Variants in FREM2 observed in about 807,000 individuals in gnomAD.
FREM2 encodes FRAS1-related extracellular matrix protein 2.
A neutral mutation model predicts 219.9 loss-of-function variants in FREM2; 119 were observed. The observed-to-expected ratio is 0.54, with a 90% CI of 0.47 to 0.63. The LOEUF is 0.63. Among genes scored for constraint, FREM2 ranks in the 30% least tolerant of loss-of-function variants. The pLI, the probability that FREM2 is intolerant of heterozygous loss-of-function variation, is 0.00. For synonymous variants in FREM2, 1,562 were observed against 1,522.8 expected (o/e 1.03, Z -0.60); for missense variants, 4,030 against 3,993.6 (o/e 1.01, Z -0.25).
intron 6 of FREM2, among the ~76,000 whole-genome samples, chr13:38,836,157 G>A (rs145170625): frequency 2.6e-5 from 4 of 152,274 alleles, no homozygotes; most frequent in African/African-American, 7.2e-5. Flanking sequence ...ATGAAGGAGT[G>A]TTGAATTTTA....
intron 6 of FREM2, among the ~76,000 whole-genome samples, chr13:38,794,146 G>A (rs1395184832): frequency 6.6e-6 from 1 of 152,068 alleles, no homozygotes; most frequent in Non-Finnish European, 1.5e-5. Flanking sequence ...AATTACTTAA[G>A]AGACCTGCAA....
At chr13:38,775,360 A>G (rs1453427576) in intron 4 of FREM2, among the ~76,000 whole-genome samples, 1 of 152,226 alleles carries the variant, frequency 6.6e-6, no homozygotes, top group African/African-American at 2.4e-5. Context: ...AGCAGGCATG[A>G]GAGAGCTTCA....
At chr13:38,818,282 TA>T (rs1365747949) in intron 6 of FREM2, among the ~76,000 whole-genome samples, 2 of 152,242 alleles carry the variant, frequency 1.3e-5, no homozygotes, top group East Asian at 3.9e-4. Flanking sequence ...GGACTCAACC[TA>T]AGTATTCAAC....
intron 15 of FREM2, among the ~76,000 whole-genome samples, chr13:38,863,820 A>AT (rs1877851273): frequency 1.3e-5 from 2 of 151,616 alleles, no homozygotes; most frequent in South Asian, 2.1e-4. Context: ...CCACTTTTTT[A>AT]TTTTTTTGTT....
intron 2 of FREM2, among the ~76,000 whole-genome samples, chr13:38,739,558 G>T (rs1305906208): frequency 6.6e-6 from 1 of 152,104 alleles, no homozygotes; most frequent in African/African-American, 2.4e-5. Context: ...TTCCTAGAAA[G>T]TATGAGCTCA....
chr13:38,753,742 T>C (rs1872870366), intron 2 of FREM2, among the ~76,000 whole-genome samples: 1 of 152,188 alleles, frequency 6.6e-6, no homozygotes, highest in Non-Finnish European at 1.5e-5. Context: ...TCTGTAGGTG[T>C]ACACCTGAAT....
chr13:38,835,161 TG>T (rs1876660357), intron 6 of FREM2, among the ~76,000 whole-genome samples: 1 of 152,088 alleles, frequency 6.6e-6, no homozygotes, highest in African/African-American at 2.4e-5. Context: ...CAGTTTACTG[TG>T]TATGGCTAGC....
At chr13:38,798,753 A>G (rs989833602) in intron 6 of FREM2, among the ~76,000 whole-genome samples, 1 of 151,816 alleles carries the variant, frequency 6.6e-6, no homozygotes, top group Non-Finnish European at 1.5e-5. Context: ...TTTGTTTGTT[A>G]GTCTGTAGTT....
chr13:38,783,187 C>T lies in FREM2; in HGVS notation c.5759C>T (p.Thr1920Ile), dbSNP rs1874186718. 6.2e-7 allele frequency: 1 copy of T among 1,613,994 alleles called. No homozygotes were observed. Among genetic ancestry groups the T allele is most frequent in the East Asian group, 2.2e-5 (1 of 44,868 alleles). ...VSQELMVVCY[T>I]QQGTATGTVP... Reference sequence around the variant, plus strand: ...CAGGAGTTGATGGTGGTCTGTTATACCCAACAAGGTAGCTCGATTTGCCGA... The same window carrying T: ...CAGGAGTTGATGGTGGTCTGTTATATCCAACAAGGTAGCTCGATTTGCCGA... The change falls in exon 5 of 24, where the codon ACC becomes ATC. Residue 1920 changes from threonine to isoleucine, a missense_variant. By Grantham distance (89) the Thr-to-Ile change is moderately conservative. This residue lies in a region of FREM2 where 3,102 missense variants were observed against 2,950.7 expected (regional missense o/e 1.05). Coordinates refer to ENST00000280481, the MANE Select transcript of FREM2 (RefSeq NM_207361.6).
chr13:38,692,436 T>C lies in FREM2; in HGVS notation c.5092T>C (p.Phe1698Leu). The change falls in exon 1 of 24, where the codon TTT (phenylalanine) becomes CTT (leucine). Residue 1698 changes from phenylalanine to leucine, a missense_variant. Phe to Leu is a conservative substitution (Grantham distance 22). This residue lies in a region of FREM2 where 3,102 missense variants were observed against 2,950.7 expected (regional missense o/e 1.05). Coordinates refer to ENST00000280481, the MANE Select transcript of FREM2 (RefSeq NM_207361.6). The stretch of plus-strand genomic sequence containing the variant: ...AGACAGCTTACACATTTCTCTTAGA[T>C]TTATCGTGACAGAGGCCCCTCAACA... ...DRDSLHISLR[F>L]IVTEAPQHGY... 6.2e-7 allele frequency: 1 copy of C among 1,613,894 alleles called. No homozygotes were observed. Among genetic ancestry groups the C allele is most frequent in the Non-Finnish European group, 8.5e-7 (1 of 1,179,952 alleles).
Position 38,697,773 on chromosome 13 carries a change from C to T in FREM2, c.5249C>T (p.Ala1750Val). ...ANATSDMFYF[A>V]VEDGGGNKLT... The stretch of plus-strand genomic sequence containing the variant: ...GCCACAAGTGATATGTTCTATTTTG[C>T]AGTTGAAGATGGTGGTAAGTATTCC... Residue 1750 changes from alanine (A) to valine (V), a missense_variant, in exon 2 of 24, where the codon GCA (alanine) becomes GTA (valine). By Grantham distance (64) the Ala-to-Val change is moderately conservative. Transcript: ENST00000280481. 1 of 1,599,422 alleles carries T rather than the reference C, an allele frequency of 6.3e-7. No homozygotes were observed. The highest frequency in any genetic ancestry group is 8.6e-7 in the Non-Finnish European group (1 of 1,166,690).
chr13:38,814,308 G>A (rs889956319), intron 6 of FREM2, among the ~76,000 whole-genome samples: 1 of 152,184 alleles, frequency 6.6e-6, no homozygotes, highest in African/African-American at 2.4e-5. Context: ...GGTTTTCACA[G>A]TCTGGGCTTA....
intron 16 of FREM2, among the ~76,000 whole-genome samples, chr13:38,868,536 A>G (rs748743436): frequency 6.6e-6 from 1 of 152,218 alleles, no homozygotes; most frequent in Admixed American, 6.5e-5. Context: ...TGAGAAATGG[A>G]TATGGTCATG....
intron 12 of FREM2, among the ~76,000 whole-genome samples, chr13:38,857,090 T>C (rs762003162): frequency 5.9e-5 from 9 of 152,196 alleles, no homozygotes; most frequent in Non-Finnish European, 1.5e-5. Context: ...TAGTTTTGTG[T>C]CTTCATCACA....
intron 6 of FREM2, among the ~76,000 whole-genome samples, chr13:38,830,216 A>G (rs1229269905): frequency 6.6e-6 from 1 of 152,204 alleles, no homozygotes; most frequent in African/African-American, 2.4e-5. Flanking sequence ...ACCAGAAATC[A>G]GTTGGCAATG....
chr13:38,701,366 C>T (rs1387190457), intron 2 of FREM2, among the ~76,000 whole-genome samples: 1 of 152,130 alleles, frequency 6.6e-6, no homozygotes, highest in Non-Finnish European at 1.5e-5. Context: ...GTGGATTTAG[C>T]TGTCTTCCAT....
intron 7 of FREM2, 27 bp downstream of exon 7, chr13:38,846,749 T>G: frequency 6.2e-7 from 1 of 1,612,928 alleles, no homozygotes; most frequent in Non-Finnish European, 8.5e-7. Flanking sequence ...TCGGCTCTTT[T>G]GATTGTTCTG....
chr13:38,829,984 T>C (rs889190552), intron 6 of FREM2, among the ~76,000 whole-genome samples: 10 of 152,114 alleles, frequency 6.6e-5, no homozygotes, highest in Non-Finnish European at 1.3e-4. Context: ...AACCTTATGT[T>C]TAATTACATA....
Position 38,689,513 on chromosome 13 carries a change from G to A in FREM2, c.2169G>A (p.Lys723=), listed in dbSNP as rs766275920. The A allele has an allele frequency of 1.1e-5, 18 of 1,614,006 alleles. No individual in the cohort carries two copies. The highest frequency in any genetic ancestry group is 1.3e-5 in the Non-Finnish European group (15 of 1,180,020). The change falls in exon 1 of 24, where the codon AAG becomes AAA. Residue 723 remains lysine, a synonymous_variant. Coordinates refer to ENST00000280481, the MANE Select transcript of FREM2 (RefSeq NM_207361.6). ...AATCCCAGCTCACACCACTGAGGAA[G>A]AAGTGGCTGCGCTACACTGACCTGG... ...VQESQLTPLR[K]KWLRYTDLDT...
Sources: gnomAD v4.1 joint callset for allele counts (sites outside exome capture counted in the v4.1 genomes callset) on GRCh38, gnomAD v4.1.1 for gene constraint, gnomAD v4.1.1 regional missense constraint, MANE v1.5 for transcripts, NCBI Gene and HGNC (gene_info 2026-07-23, HGNC 2026-07-21) for gene names.